Variants in CNTN6 observed in about 807,000 individuals in gnomAD.
CNTN6 encodes the protein contactin 6.
CNTN6 carries 137 observed loss-of-function variants against 122.8 expected under a neutral mutation model. The ratio of observed to expected loss-of-function variants is 1.12; its 90% CI spans 0.97 to 1.29. The LOEUF (loss-of-function observed/expected upper bound fraction) is 1.29. CNTN6 is among the 50% of genes most tolerant of loss of function. The pLI, the probability that CNTN6 is intolerant of heterozygous loss-of-function variation, is 0.00. For synonymous variants in CNTN6, 570 were observed against 426.0 expected (o/e 1.34, Z -4.16); for missense variants, 1,634 against 1,223.4 (o/e 1.34, Z -5.01).
At chr3:1,380,139 T>A (rs943071975) in intron 17 of CNTN6, among the ~76,000 whole-genome samples, 4 of 152,126 alleles carry the variant, frequency 2.6e-5, no homozygotes, top group African/African-American at 9.7e-5. Flanking sequence ...GTCACTCCTG[T>A]TGTAGTTGAA....
chr3:1,172,735 A>C lies in CNTN6; in HGVS notation c.55+24672A>C, dbSNP rs78161709. 3.9e-3 allele frequency among the ~76,000 whole-genome samples: 588 copies of C among 152,250 alleles called. 4 individuals carry two copies. The highest frequency in any genetic ancestry group is 0.013 in the African/African-American group (550 of 41,550). ...GGAATGAACTATGTCCCAGTGGATCACATATTCTTGAAAGGGCAGTCAGAT... is the reference window on the plus strand; with the variant it reads ...GGAATGAACTATGTCCCAGTGGATCCCATATTCTTGAAAGGGCAGTCAGAT... On this transcript the variant is annotated intron_variant, in intron 2 of 22. Transcript: ENST00000446702.
chr3:1,330,863 A>G (rs1356564263), intron 11 of CNTN6, among the ~76,000 whole-genome samples: 1 of 151,912 alleles, frequency 6.6e-6, no homozygotes, highest in Non-Finnish European at 1.5e-5. Flanking sequence ...CTACCTAAAA[A>G]GGATAGTCAC....
chr3:1,129,886 ATAGT>A (rs201276159), intron 1 of CNTN6, among the ~76,000 whole-genome samples: 1,853 of 152,212 alleles, frequency 0.012, 38 homozygotes, highest in African/African-American at 0.041. Flanking sequence ...TTTGTATAAA[ATAGT>A]TTGTTTTTTA....
At chr3:1,171,698 T>C (rs752137478) in intron 2 of CNTN6, among the ~76,000 whole-genome samples, 1 of 152,076 alleles carries the variant, frequency 6.6e-6, no homozygotes, top group Non-Finnish European at 1.5e-5. Flanking sequence ...CCTCGACCTC[T>C]TGTGCTCAAG....
chr3:1,209,921 A>G (rs2094010932), intron 2 of CNTN6, among the ~76,000 whole-genome samples: 1 of 152,122 alleles, frequency 6.6e-6, no homozygotes, highest in Admixed American at 6.6e-5. Flanking sequence ...ATCACCTTTT[A>G]CCTTTGCTTT....
chr3:1,278,374 A>G (rs1367319961), intron 4 of CNTN6, 39 bp from the exon 5 acceptor site: 2 of 1,316,338 alleles, frequency 1.5e-6, no homozygotes, highest in African/African-American at 2.9e-5. Context: ...TATTCTGCAA[A>G]GTAACTAATT....
chr3:1,337,140 T>A (rs1575758984), intron 11 of CNTN6, among the ~76,000 whole-genome samples: 2 of 152,252 alleles, frequency 1.3e-5, no homozygotes, highest in East Asian at 3.9e-4. Context: ...GTCTTTATTC[T>A]TCTCATTGCT....
chr3:1,266,949 C>CTTTTT (rs1036704755), intron 4 of CNTN6, among the ~76,000 whole-genome samples: 14 of 90,408 alleles, frequency 1.5e-4, no homozygotes, highest in Non-Finnish European at 1.9e-4. Context: ...CAGCCTGGCC[C>CTTTTT]TTTTTTTTTT....
chr3:1,393,997 C>T (rs1694641549), intron 20 of CNTN6, among the ~76,000 whole-genome samples: 1 of 152,140 alleles, frequency 6.6e-6, no homozygotes, highest in Non-Finnish European at 1.5e-5. Flanking sequence ...CCCTGCTATT[C>T]TTAAGCACTG....
chr3:1,201,859 C>T (rs1377329005), intron 2 of CNTN6, among the ~76,000 whole-genome samples: 4 of 151,314 alleles, frequency 2.6e-5, no homozygotes, highest in African/African-American at 7.3e-5. Context: ...TATTGTTAAC[C>T]GAATAACAGC....
intron 11 of CNTN6, among the ~76,000 whole-genome samples, chr3:1,345,746 T>C (rs1704590940): frequency 6.6e-6 from 1 of 152,142 alleles, no homozygotes; most frequent in African/African-American, 2.4e-5. Flanking sequence ...AAAACTTAAA[T>C]TGTGAACAGG....
At chr3:1,337,925 T>G (rs576389442) in intron 11 of CNTN6, among the ~76,000 whole-genome samples, 1 of 152,124 alleles carries the variant, frequency 6.6e-6, no homozygotes, top group East Asian at 1.9e-4. Context: ...CCCACTGACC[T>G]CCACTGATCT....
chr3:1,367,065 T>G (rs1358626903), intron 12 of CNTN6, among the ~76,000 whole-genome samples: 1 of 152,208 alleles, frequency 6.6e-6, no homozygotes, highest in East Asian at 1.9e-4. Flanking sequence ...TATGTATTTG[T>G]GGGATATAAT....
chr3:1,222,615 T>C (rs2094223348), intron 3 of CNTN6, among the ~76,000 whole-genome samples: 1 of 152,188 alleles, frequency 6.6e-6, no homozygotes, highest in Non-Finnish European at 1.5e-5. Flanking sequence ...AAATGGCTTT[T>C]ATTTCTAAGA....
intron 2 of CNTN6, among the ~76,000 whole-genome samples, chr3:1,201,085 G>A (rs901429983): frequency 2.7e-5 from 4 of 148,328 alleles, no homozygotes; most frequent in Non-Finnish European, 4.4e-5. Flanking sequence ...GCACCACTGT[G>A]CCCAGCTAAC....
intron 4 of CNTN6, among the ~76,000 whole-genome samples, chr3:1,234,910 T>G (rs1170663682): frequency 3.3e-5 from 5 of 152,322 alleles, no homozygotes; most frequent in African/African-American, 1.2e-4. Context: ...TGTCTTTGCT[T>G]TTAAAAATAA....
chr3:1,154,446 T>TG, intron 2 of CNTN6, among the ~76,000 whole-genome samples: 1 of 149,692 alleles, frequency 6.7e-6, no homozygotes, highest in Admixed American at 6.6e-5. Context: ...TTTCTTTTCT[T>TG]TCTTTTTTTT....
Position 1,273,977 on chromosome 3 carries a change from G to C in CNTN6, c.359-4436G>C, listed in dbSNP as rs143484925. ...TGACACTGAGAGAATTCAATCCAAA[G>C]CTTGTTAATTTCATAGAATCATTCA... On this transcript the variant is annotated intron_variant, in intron 4 of 22. Coordinates refer to ENST00000446702, the MANE Select transcript of CNTN6 (RefSeq NM_001289080.2). 1.5e-3 allele frequency among the ~76,000 whole-genome samples: 227 copies of C among 152,224 alleles called. 1 individual carries two copies. The highest frequency in any genetic ancestry group is 5.3e-3 in the African/African-American group (222 of 41,538).
At chr3:1,333,190 A>T (rs1378524154) in intron 11 of CNTN6, among the ~76,000 whole-genome samples, 1 of 151,994 alleles carries the variant, frequency 6.6e-6, no homozygotes, top group African/African-American at 2.4e-5. Flanking sequence ...ATTGCACATA[A>T]AGGTTGACTG....
Sources: allele counts gnomAD v4.1 joint callset (sites outside exome capture counted in the v4.1 genomes callset), GRCh38; gene constraint gnomAD v4.1.1; transcripts MANE v1.5; gene names NCBI Gene and HGNC (gene_info 2026-07-23, HGNC 2026-07-21).